The following SEMA5A variants were observed in gnomAD, a reference collection of about 807,000 sequenced individuals.
SEMA5A encodes the protein semaphorin-5A.
In SEMA5A, 55 loss-of-function variants were observed where a neutral mutation model predicts 135.5. That is an observed-to-expected ratio of 0.41 (90% CI 0.33 to 0.51). The LOEUF (loss-of-function observed/expected upper bound fraction) is 0.51. SEMA5A is among the 20% of genes least tolerant of loss of function. The pLI is 0.37. For missense variants in SEMA5A, 1,290 were observed against 1,419.9 expected, an observed-to-expected ratio of 0.91 and a Z score of 1.47; for synonymous variants, 580 against 546.5, an observed-to-expected ratio of 1.06 and a Z score of -0.85.
chr5:9,264,289 A>G (rs1429730797), intron 5 of SEMA5A, among the ~76,000 whole-genome samples: 1 of 152,194 alleles, frequency 6.6e-6, no homozygotes, highest in Non-Finnish European at 1.5e-5. Context: ...AAAAAGCAGG[A>G]GCCCAGAAGG....
intron 15 of SEMA5A, among the ~76,000 whole-genome samples, chr5:9,118,660 G>A (rs1460076927): frequency 6.6e-6 from 1 of 152,064 alleles, no homozygotes; most frequent in African/African-American, 2.4e-5. Flanking sequence ...AGATCTGTCT[G>A]GTTAAATTCT....
chr5:9,234,945 T>C (rs1375814267), intron 6 of SEMA5A, among the ~76,000 whole-genome samples: 1 of 152,214 alleles, frequency 6.6e-6, no homozygotes, highest in African/African-American at 2.4e-5. Context: ...CTAATACTTC[T>C]CTGGGTTCAA....
intron 12 of SEMA5A, among the ~76,000 whole-genome samples, chr5:9,142,102 G>A (rs1379445256): frequency 6.6e-6 from 1 of 152,166 alleles, no homozygotes; most frequent in Non-Finnish European, 1.5e-5. Flanking sequence ...TTCCCATTTG[G>A]TTAAGAAAGT....
At chr5:9,307,193 G>T (rs1751911084) in intron 5 of SEMA5A, among the ~76,000 whole-genome samples, 1 of 152,180 alleles carries the variant, frequency 6.6e-6, no homozygotes, top group South Asian at 2.1e-4. Flanking sequence ...ACTTGAAAAA[G>T]TGGCAATAGC....
chr5:9,134,049 T>C (rs1741590498), intron 13 of SEMA5A, among the ~76,000 whole-genome samples: 1 of 152,150 alleles, frequency 6.6e-6, no homozygotes, highest in Non-Finnish European at 1.5e-5. Context: ...GTGAAGAAGG[T>C]GCATGCTTGC....
intron 1 of SEMA5A, among the ~76,000 whole-genome samples, chr5:9,450,275 G>A (rs551217455): frequency 2.0e-5 from 3 of 152,302 alleles, no homozygotes; most frequent in Non-Finnish European, 2.9e-5. Flanking sequence ...GACCAAGAAG[G>A]AAAATAGCTT....
At chr5:9,330,293 G>C (rs1269652914) in intron 4 of SEMA5A, among the ~76,000 whole-genome samples, 1 of 151,902 alleles carries the variant, frequency 6.6e-6, no homozygotes, top group Non-Finnish European at 1.5e-5. Context: ...GGGAGGCTGA[G>C]GCAGAAGAAT....
chr5:9,077,939 T>C (rs1425106989), intron 16 of SEMA5A, among the ~76,000 whole-genome samples: 1 of 152,238 alleles, frequency 6.6e-6, no homozygotes, highest in Non-Finnish European at 1.5e-5. Context: ...TACCCATTAT[T>C]TTAGGCATTC....
chr5:9,220,208 G>A (rs966811999), intron 8 of SEMA5A, among the ~76,000 whole-genome samples: 2 of 152,158 alleles, frequency 1.3e-5, no homozygotes, highest in African/African-American at 4.8e-5. Context: ...TTGTGGGAAA[G>A]GTTGGCAGGG....
intron 18 of SEMA5A, among the ~76,000 whole-genome samples, chr5:9,056,586 T>G (rs544628745): frequency 7.9e-4 from 121 of 152,258 alleles, no homozygotes; most frequent in Middle Eastern, 3.4e-3. Context: ...GCTGTGCATG[T>G]TGGTGCAAAT....
intron 2 of SEMA5A, among the ~76,000 whole-genome samples, chr5:9,391,577 A>T (rs1756162163): frequency 6.6e-6 from 1 of 152,026 alleles, no homozygotes; most frequent in Non-Finnish European, 1.5e-5. Flanking sequence ...TAATTCCCCC[A>T]CACAACACTC....
At chr5:9,315,991 A>G (rs1752373227) in intron 5 of SEMA5A, among the ~76,000 whole-genome samples, 1 of 152,152 alleles carries the variant, frequency 6.6e-6, no homozygotes, top group South Asian at 2.1e-4. Flanking sequence ...TTTTTAGTAT[A>G]ATGGTTGCCA....
chr5:9,136,701 T>G, intron 12 of SEMA5A, 80 bp from the exon 13 acceptor site: 1 of 1,138,262 alleles, frequency 8.8e-7, no homozygotes, highest in Non-Finnish European at 1.3e-6. Flanking sequence ...AACCTGTCCC[T>G]TGGCAGAGAG....
In SEMA5A at chr5:9,521,773, T is replaced by C. The variant is rs920092968; in HGVS notation, c.-175+23811A>G. Among the ~76,000 whole-genome samples, 3 of 152,188 alleles carry C rather than the reference T, an allele frequency of 2.0e-5. No individual in the cohort carries two copies. In the East Asian group the frequency reaches 5.8e-4, roughly 29 times the overall value. ...CTCAAGTCCTCAGAGAGAGCTTTCC[T>C]AATAAAGCACGCGCTCCCTGCAGCC... On this transcript the variant is annotated intron_variant, in intron 1 of 22. Transcript: ENST00000382496.
At chr5:9,200,094 A>G (rs1435931303) in intron 9 of SEMA5A, among the ~76,000 whole-genome samples, 1 of 152,198 alleles carries the variant, frequency 6.6e-6, no homozygotes, top group Non-Finnish European at 1.5e-5. Context: ...AAGGAGGTGG[A>G]AAATATTGTG....
At chr5:9,066,013 G>C (rs1344270809) in intron 17 of SEMA5A, among the ~76,000 whole-genome samples, 1 of 152,228 alleles carries the variant, frequency 6.6e-6, no homozygotes, top group Non-Finnish European at 1.5e-5. Flanking sequence ...GGTACAAAGA[G>C]AAATGCACTT....
chr5:9,416,520 A>G (rs918730494), intron 2 of SEMA5A, among the ~76,000 whole-genome samples: 2 of 152,166 alleles, frequency 1.3e-5, no homozygotes, highest in Non-Finnish European at 2.9e-5. Context: ...CCTACCCCAG[A>G]GCCTCTCACC....
intron 5 of SEMA5A, among the ~76,000 whole-genome samples, chr5:9,250,184 A>G (rs1748699594): frequency 6.6e-6 from 1 of 152,142 alleles, no homozygotes; most frequent in Admixed American, 6.5e-5. Flanking sequence ...GGCATTGGGA[A>G]CCTGAAATTA....
At position 9,292,014 on chromosome 5, in the gene SEMA5A, C is replaced by T. The variant is rs561823710; in HGVS notation, c.270+26358G>A. ...CTACCTGGGATTTGCGGTGAGGCTG[C>T]AGCCCTAGAAAGATGGCTGGCTGTC... On this transcript the variant is annotated intron_variant, in intron 5 of 22. Transcript: ENST00000382496. 1.5e-4 allele frequency among the ~76,000 whole-genome samples: 23 copies of T among 152,242 alleles called. 1 individual carries two copies. The East Asian group carries it at 3.9e-3, about 26-fold the overall frequency.
Sources: gnomAD v4.1 joint callset for allele counts (sites outside exome capture counted in the v4.1 genomes callset) on GRCh38, gnomAD v4.1.1 for gene constraint, MANE v1.5 for transcripts, NCBI Gene and HGNC (gene_info 2026-07-23, HGNC 2026-07-21) for gene names.